Variants in PECAM1 observed in about 807,000 individuals in gnomAD.
PECAM1 encodes the protein platelet endothelial cell adhesion molecule.
In PECAM1, 8 loss-of-function variants were observed where a neutral mutation model predicts 13.8. That is an observed-to-expected ratio of 0.58 (90% CI 0.34 to 1.05). The LOEUF (loss-of-function observed/expected upper bound fraction) is 1.05, where lower values mean the gene tolerates loss of function less well. Among genes scored for constraint, PECAM1 ranks in the 50% least tolerant of loss-of-function variants. The pLI is 0.03. For synonymous variants in PECAM1, 136 were observed against 52.6 expected (o/e 2.58, Z -6.86); for missense variants, 304 against 141.2 (o/e 2.15, Z -5.84).
intron 2 of PECAM1, among the ~76,000 whole-genome samples, chr17:64,381,687 C>T (rs1428950960): frequency 1.3e-5 from 2 of 152,164 alleles, no homozygotes; most frequent in African/African-American, 2.4e-5. Context: ...AACAAGGTGA[C>T]GGTTTAAATT....
chr17:64,329,990 C>T (rs542468018), intron 14 of PECAM1, among the ~76,000 whole-genome samples: 26 of 151,874 alleles, frequency 1.7e-4, no homozygotes, highest in East Asian at 1.4e-3. Context: ...GACAGAGTCT[C>T]GCTTTGTCAC....
chr17:64,348,005 A>G (rs2035623595), intron 13 of PECAM1, among the ~76,000 whole-genome samples: 1 of 152,144 alleles, frequency 6.6e-6, no homozygotes, highest in Non-Finnish European at 1.5e-5. Flanking sequence ...TGCTAGGATT[A>G]CAGGTGTGAG....
At chr17:64,374,031 C>G (rs1406809274) in intron 4 of PECAM1, among the ~76,000 whole-genome samples, 1 of 152,144 alleles carries the variant, frequency 6.6e-6, no homozygotes, top group African/African-American at 2.4e-5. Flanking sequence ...CAACGCAAAT[C>G]TACGTTGAAC....
At chr17:64,343,607 A>G (rs2035487685) in intron 13 of PECAM1, among the ~76,000 whole-genome samples, 1 of 152,200 alleles carries the variant, frequency 6.6e-6, no homozygotes, top group African/African-American at 2.4e-5. Context: ...CTCCTGTGTC[A>G]GGAACCATTT....
chr17:64,374,140 C>T (rs1427316147), intron 4 of PECAM1, among the ~76,000 whole-genome samples: 1 of 152,182 alleles, frequency 6.6e-6, no homozygotes, highest in Admixed American at 6.5e-5. Context: ...AAAGCAGTGG[C>T]TTCCAAACTA....
chr17:64,369,286 A>C (rs980995688), intron 5 of PECAM1, among the ~76,000 whole-genome samples: 7 of 152,110 alleles, frequency 4.6e-5, no homozygotes, highest in African/African-American at 1.7e-4. Flanking sequence ...TGGCCCTGTC[A>C]TAGGACCCAC....
chr17:64,327,093 T>C (rs551024642), intron 15 of PECAM1, among the ~76,000 whole-genome samples: 7 of 152,322 alleles, frequency 4.6e-5, no homozygotes, highest in Middle Eastern at 3.4e-3. Flanking sequence ...GGAAGTCAAG[T>C]GTTAATGTGG....
chr17:64,381,962 T>C (rs2036491099), intron 2 of PECAM1, among the ~76,000 whole-genome samples: 2 of 151,876 alleles, frequency 1.3e-5, no homozygotes, highest in Non-Finnish European at 2.9e-5. Context: ...TAGCCGGGTG[T>C]GGTGGTGGGC....
At position 64,323,082 on chromosome 17, in the gene PECAM1, G is replaced by C. The variant is rs1395214040; in HGVS notation, c.*734C>G. On this transcript the variant is annotated 3_prime_UTR_variant, in exon 16 of 16. Coordinates refer to ENST00000563924, the MANE Select transcript of PECAM1 (RefSeq NM_000442.5). ...TTTTCAATTAAGAATAATATTTGCTGATGGCACCATCTTCCTGTCTTTCAG... is the reference window on the plus strand; with the variant it reads ...TTTTCAATTAAGAATAATATTTGCTCATGGCACCATCTTCCTGTCTTTCAG... 4 of 984,352 alleles carry C rather than the reference G, an allele frequency of 4.1e-6. No individual in the cohort carries two copies. The East Asian group carries it at 4.5e-4, about 112-fold the overall frequency. The allele number at this position is 984,352 out of a possible 1,614,324, so 61.0% of individuals were successfully genotyped here.
chr17:64,358,181 C>T (rs1286316781), intron 7 of PECAM1, among the ~76,000 whole-genome samples: 7 of 130,012 alleles, frequency 5.4e-5, no homozygotes, highest in Non-Finnish European at 9.4e-5. Context: ...TGCAGTGGCA[C>T]GATCTTGGCT....
At position 64,360,144 on chromosome 17, in the gene PECAM1, C is replaced by A; in HGVS notation, c.1488G>T (p.Val496=). Residue 496 remains valine (V), a synonymous_variant, in exon 7 of 16, where the codon GTG becomes GTT. Transcript: ENST00000563924. ...TCTCACAGCACAGCAACTTACCTAT[C>A]ACCTTCACCCTCAGAACCTCACTTA... The part of the protein sequence containing the change: ...KMLSEVLRVK[V]IAPVDEVQIS... 2.1e-6 allele frequency: 1 copy of A among 475,416 alleles called. No individual in the cohort carries two copies. The highest frequency in any genetic ancestry group is 6.7e-5 in the South Asian group (1 of 14,880). The allele number at this position is 475,416 out of a possible 1,614,324, so 29.4% of individuals were successfully genotyped here.
intron 14 of PECAM1, among the ~76,000 whole-genome samples, chr17:64,335,665 G>A (rs2035257898): frequency 6.6e-6 from 1 of 152,112 alleles, no homozygotes; most frequent in South Asian, 2.1e-4. Context: ...CTCTGGGCCC[G>A]TTTCCCCATC....
intron 6 of PECAM1, among the ~76,000 whole-genome samples, chr17:64,361,112 C>T (rs1043639655): frequency 8.0e-6 from 1 of 124,838 alleles, no homozygotes; most frequent in African/African-American, 3.6e-5. Flanking sequence ...TGAGCCACCA[C>T]ACCTGGCTGA....
chr17:64,364,510 T>C (rs1003827691), intron 5 of PECAM1, among the ~76,000 whole-genome samples: 10 of 151,930 alleles, frequency 6.6e-5, no homozygotes, highest in African/African-American at 2.4e-4. Flanking sequence ...CGGGCAGAGA[T>C]ACAACCAAAA....
intron 12 of PECAM1, among the ~76,000 whole-genome samples, 178 bp from the exon 13 acceptor site, chr17:64,348,500 C>G (rs1268917834): frequency 6.6e-6 from 1 of 151,784 alleles, no homozygotes; most frequent in South Asian, 2.1e-4. Flanking sequence ...CTCCACCTCC[C>G]GGGTTCAAGT....
chr17:64,333,154 A>G (rs1555647138), intron 14 of PECAM1, among the ~76,000 whole-genome samples: 4 of 152,220 alleles, frequency 2.6e-5, no homozygotes, highest in Admixed American at 1.3e-4. Flanking sequence ...CTTAGTCTCA[A>G]AAAACAAAAA....
intron 15 of PECAM1, among the ~76,000 whole-genome samples, chr17:64,325,268 G>A (rs2034916992): frequency 6.6e-6 from 1 of 152,082 alleles, no homozygotes; most frequent in Non-Finnish European, 1.5e-5. Flanking sequence ...TGTGCCTGTA[G>A]TCCCAGCCAC....
chr17:64,384,318 C>A (rs1356880704), intron 2 of PECAM1, among the ~76,000 whole-genome samples: 2 of 152,050 alleles, frequency 1.3e-5, no homozygotes, highest in African/African-American at 2.4e-5. Flanking sequence ...ATCGACAAAA[C>A]AACAAAAACA....
chr17:64,374,703 G>A (rs1466645257), intron 4 of PECAM1, among the ~76,000 whole-genome samples: 1 of 151,822 alleles, frequency 6.6e-6, no homozygotes, highest in Non-Finnish European at 1.5e-5. Flanking sequence ...AGAATTGCTT[G>A]AACCCGGGAG....
Sources: gnomAD v4.1 joint callset for allele counts (sites outside exome capture counted in the v4.1 genomes callset) on GRCh38, gnomAD v4.1.1 for gene constraint, MANE v1.5 for transcripts, NCBI Gene and HGNC (gene_info 2026-07-23, HGNC 2026-07-21) for gene names.